Variants in VRK1 observed in about 807,000 individuals in gnomAD.
VRK1 encodes the protein serine/threonine-protein kinase VRK1.
VRK1 carries 33 observed loss-of-function variants against 57.1 expected under a neutral mutation model. That is an observed-to-expected ratio of 0.58 (90% CI 0.44 to 0.77). The LOEUF (loss-of-function observed/expected upper bound fraction) is 0.77, where lower values mean the gene tolerates loss of function less well. Among genes scored for constraint, VRK1 ranks in the 30% least tolerant of loss-of-function variants. The pLI is 0.00. For synonymous variants in VRK1, 137 were observed against 147.8 expected, an observed-to-expected ratio of 0.93 and a Z score of 0.53; for missense variants, 413 against 477.3, an observed-to-expected ratio of 0.87 and a Z score of 1.25.
intron 5 of VRK1, among the ~76,000 whole-genome samples, chr14:96,848,092 CAAGTA>C (rs1887786158): frequency 1.3e-5 from 2 of 152,114 alleles, no homozygotes; most frequent in Admixed American, 1.3e-4. Context: ...ATTTCAGCTG[CAAGTA>C]AAGGAAAACT....
intron 1 of VRK1, among the ~76,000 whole-genome samples, chr14:96,820,028 C>G (rs1886538528): frequency 6.6e-6 from 1 of 152,106 alleles, no homozygotes; most frequent in Admixed American, 6.6e-5. Flanking sequence ...GTTAGACTGG[C>G]AGCAGACCAT....
rs574976503 is a variant in VRK1, at chr14:96,829,052, C to T, written c.-5-4415C>T. 4.6e-5 allele frequency among the ~76,000 whole-genome samples: 7 copies of T among 152,204 alleles called. No homozygotes were observed. The East Asian group carries it at 5.8e-4, about 13-fold the overall frequency. ...TTTCAGTGACTTCTTAACGTTTATG[C>T]GCAAGACACAGAGCTACTCTGTTTA... On this transcript the variant is annotated intron_variant, in intron 1 of 12. Transcript: ENST00000216639.
chr14:96,880,683 C>A (rs1223083325), intron 12 of VRK1, among the ~76,000 whole-genome samples: 6 of 152,192 alleles, frequency 3.9e-5, no homozygotes, highest in Non-Finnish European at 8.8e-5. Flanking sequence ...AAAGACTTTC[C>A]ATTTCAGTAT....
intron 7 of VRK1, among the ~76,000 whole-genome samples, chr14:96,854,059 G>A (rs147257441): frequency 6.6e-6 from 1 of 151,996 alleles, no homozygotes; most frequent in Non-Finnish European, 1.5e-5. Flanking sequence ...GTCAGTTATG[G>A]TGGATAGAAG....
rs572704067 is a variant in VRK1, at chr14:96,858,421, C to T, written c.889+1835C>T. ...ATTATTGTATGTTTAACAGTAGTTT[C>T]CTCATTGTCATTTCTATATGATATT... On this transcript the variant is annotated intron_variant, in intron 10 of 12. Coordinates refer to ENST00000216639, the MANE Select transcript of VRK1 (RefSeq NM_003384.3). Among the ~76,000 whole-genome samples, 7 of 152,268 alleles carry T rather than the reference C, an allele frequency of 4.6e-5. No individual in the cohort carries two copies. In the South Asian group the frequency reaches 1.4e-3, roughly 32 times the overall value.
intron 11 of VRK1, among the ~76,000 whole-genome samples, chr14:96,875,384 C>T (rs901052288): frequency 3.9e-5 from 6 of 152,106 alleles, no homozygotes; most frequent in African/African-American, 9.7e-5. Context: ...GAAATCCAGA[C>T]GATTTTTGAG....
In VRK1 at chr14:96,839,106, C is replaced by T. The variant is rs866906060; in HGVS notation, c.216+1289C>T. The stretch of plus-strand genomic sequence containing the variant: ...TGAGTTTTTTTTTTTTTTTTTTTGC[C>T]GTGAATGAGTTATTCCTGTTCCAGA... On this transcript the variant is annotated intron_variant, in intron 3 of 12. Coordinates refer to ENST00000216639, the MANE Select transcript of VRK1 (RefSeq NM_003384.3). Among the ~76,000 whole-genome samples, 273 of 123,606 alleles carry T rather than the reference C, an allele frequency of 2.2e-3. 1 individual carries two copies. Among genetic ancestry groups the T allele is most frequent in the African/African-American group, 7.6e-3 (270 of 35,696 alleles). The allele number at this position is 123,606 out of a possible 152,430, so 81.1% of individuals were successfully genotyped here.
At chr14:96,806,349 T>G (rs1181871679) in intron 1 of VRK1, among the ~76,000 whole-genome samples, 4 of 152,240 alleles carry the variant, frequency 2.6e-5, no homozygotes, top group Non-Finnish European at 4.4e-5. Flanking sequence ...TGTTCTCTTC[T>G]TCATCACAGG....
chr14:96,810,090 T>A lies in VRK1; in HGVS notation c.-6+12643T>A, dbSNP rs185336539. Among the ~76,000 whole-genome samples the A allele has an allele frequency of 3.9e-5, 6 of 152,344 alleles. No individual in the cohort carries two copies. The East Asian group carries it at 1.2e-3, about 29-fold the overall frequency. ...TCTAATCACTGATAATTTGAGCACT[T>A]CTTCATATGCTTGTTGGCCATTTGG... On this transcript the variant is annotated intron_variant, in intron 1 of 12. Coordinates refer to ENST00000216639, the MANE Select transcript of VRK1 (RefSeq NM_003384.3).
rs1387075963 is a variant in VRK1, at chr14:96,855,235, A to T, written c.588A>T (p.Val196=). ...NYKNPDQVYL[V]DYGLAYRYCP... ...TTGGAAATTTATAGGTGTACTTGGT[A>T]GATTATGGCCTTGCTTATCGGTACT... The change falls in exon 8 of 13, where the codon GTA becomes GTT. Residue 196 remains valine (V), a synonymous_variant. Transcript: ENST00000216639. 1.2e-6 allele frequency: 2 copies of T among 1,613,890 alleles called. No homozygotes were observed. Among genetic ancestry groups the T allele is most frequent in the Non-Finnish European group, 1.7e-6 (2 of 1,179,926 alleles).
chr14:96,804,560 C>T (rs895314463), intron 1 of VRK1, among the ~76,000 whole-genome samples: 4 of 151,886 alleles, frequency 2.6e-5, no homozygotes, highest in Non-Finnish European at 5.9e-5. Flanking sequence ...ATCATTGGTT[C>T]GTGAAAAAGA....
intron 1 of VRK1, among the ~76,000 whole-genome samples, chr14:96,827,806 T>C (rs1223810715): frequency 6.6e-6 from 1 of 152,248 alleles, no homozygotes; most frequent in East Asian, 1.9e-4. Flanking sequence ...CTGACTGTTA[T>C]CACACACTTG....
intron 8 of VRK1, among the ~76,000 whole-genome samples, chr14:96,855,787 C>A (rs1246080001): frequency 6.6e-6 from 1 of 152,142 alleles, no homozygotes. Context: ...AACTCAAATA[C>A]CCAGTTCTCT....
chr14:96,877,677 C>A, intron 12 of VRK1: 1 of 1,273,346 alleles, frequency 7.9e-7, no homozygotes, highest in Non-Finnish European at 1.0e-6. Context: ...CAGAAAGATC[C>A]TGCATTGTTC....
Position 96,853,184 on chromosome 14 carries a change from A to G in VRK1, c.576+18A>G. Reference sequence around the variant, plus strand: ...CTGACCAGGTAGTTTTATAACTTTAATTTCTACTATTTAAAGCGTGTTGTT... The same window carrying G: ...CTGACCAGGTAGTTTTATAACTTTAGTTTCTACTATTTAAAGCGTGTTGTT... On this transcript the variant is annotated intron_variant, in intron 7 of 12. Transcript: ENST00000216639. The G allele has an allele frequency of 6.3e-7, 1 of 1,594,958 alleles. No individual in the cohort carries two copies. Among genetic ancestry groups the G allele is most frequent in the Non-Finnish European group, 8.6e-7 (1 of 1,163,440 alleles).
rs371384146 is a variant in VRK1 at position 96,827,766 on chromosome 14, ATTGT to A, written c.-5-5694_-5-5691del. Among the ~76,000 whole-genome samples the A allele has an allele frequency of 2.7e-3, 405 of 151,980 alleles. 1 individual carries two copies. Among genetic ancestry groups the A allele is most frequent in the African/African-American group, 8.9e-3 (370 of 41,450 alleles). ...ATGTTACATTTTCTTGTTTTAATTG[ATTGT>A]TTGTTTTCTAGCTCCTGAATGGACA... is the stretch of plus-strand genomic sequence containing the variant. On this transcript the variant is annotated intron_variant, in intron 1 of 12. Coordinates refer to ENST00000216639, the MANE Select transcript of VRK1 (RefSeq NM_003384.3).
chr14:96,841,121 G>A (rs1887444237), intron 3 of VRK1, among the ~76,000 whole-genome samples: 1 of 152,102 alleles, frequency 6.6e-6, no homozygotes, highest in South Asian at 2.1e-4. Context: ...GCCTCCTAAA[G>A]TGATGGGGTT....
chr14:96,881,337 C>A lies in VRK1; in HGVS notation c.*129C>A. 1.3e-6 allele frequency: 1 copy of A among 776,602 alleles called. No individual in the cohort carries two copies. Among genetic ancestry groups the A allele is most frequent in the Non-Finnish European group, 2.0e-6 (1 of 488,822 alleles). 48.1% of individuals were successfully genotyped at this position (776,602 alleles called of 1,614,324 possible). ...AGTAATGATTAAATACTCATGTGTT[C>A]AGAAAACATAAACTTTTTTTATAAA... On this transcript the variant is annotated 3_prime_UTR_variant, in exon 13 of 13. Transcript: ENST00000216639.
intron 11 of VRK1, among the ~76,000 whole-genome samples, chr14:96,875,718 A>G (rs1889000908): frequency 6.6e-6 from 1 of 152,224 alleles, no homozygotes; most frequent in South Asian, 2.1e-4. Context: ...CTGTATGATT[A>G]GTCCTGATGG....
Sources: allele counts gnomAD v4.1 joint callset (sites outside exome capture counted in the v4.1 genomes callset), GRCh38; gene constraint gnomAD v4.1.1; transcripts MANE v1.5; gene names NCBI Gene and HGNC (gene_info 2026-07-23, HGNC 2026-07-21).